Variants in PTPRD observed in about 807,000 individuals in gnomAD.
The protein encoded by PTPRD is protein tyrosine phosphatase receptor type D.
PTPRD carries 34 observed loss-of-function variants against 214.5 expected under a neutral mutation model. The ratio of observed to expected loss-of-function variants is 0.16; its 90% CI spans 0.12 to 0.21. PTPRD has a LOEUF of 0.21. Ranked by LOEUF, PTPRD falls within the 10% of genes least tolerant of loss-of-function variation. The pLI, the probability that PTPRD is intolerant of heterozygous loss-of-function variation, is 1.00. For synonymous variants in PTPRD, 1,128 were observed against 845.7 expected, an observed-to-expected ratio of 1.33 and a Z score of -5.79; for missense variants, 2,545 against 2,398.7, an observed-to-expected ratio of 1.06 and a Z score of -1.27.
At chr9:8,795,968 C>A (rs969544285) in intron 11 of PTPRD, among the ~76,000 whole-genome samples, 9 of 152,108 alleles carry the variant, frequency 5.9e-5, no homozygotes, top group Admixed American at 5.9e-4. Context: ...GAGCAAAGTT[C>A]TTTTAACTTC....
chr9:9,242,594 T>C (rs980878007), intron 9 of PTPRD, among the ~76,000 whole-genome samples: 1 of 152,200 alleles, frequency 6.6e-6, no homozygotes, highest in African/African-American at 2.4e-5. Flanking sequence ...ATTCATTTGA[T>C]CTTCCATCAC....
At chr9:8,328,448 C>T (rs993164006) in intron 44 of PTPRD, among the ~76,000 whole-genome samples, 7 of 152,150 alleles carry the variant, frequency 4.6e-5, no homozygotes, top group African/African-American at 1.4e-4. Context: ...CTGCCCTTAA[C>T]ATTTTTTCCT....
At chr9:9,192,848 C>T (rs984032081) in intron 9 of PTPRD, among the ~76,000 whole-genome samples, 4 of 152,076 alleles carry the variant, frequency 2.6e-5, no homozygotes, top group African/African-American at 7.2e-5. Flanking sequence ...GCAGAGAAGT[C>T]ACGAGATAAG....
At chr9:9,058,665 G>T (rs1350707527) in intron 10 of PTPRD, among the ~76,000 whole-genome samples, 1 of 151,026 alleles carries the variant, frequency 6.6e-6, no homozygotes, top group Non-Finnish European at 1.5e-5. Flanking sequence ...TAGCCAGGAT[G>T]GTCTCGATCT....
intron 10 of PTPRD, among the ~76,000 whole-genome samples, chr9:9,151,688 G>A (rs971200309): frequency 2.0e-5 from 3 of 152,078 alleles, no homozygotes; most frequent in East Asian, 1.9e-4. Flanking sequence ...AAAATGCTCC[G>A]GTTGTTGATG....
chr9:9,325,301 A>T (rs1433372054), intron 9 of PTPRD, among the ~76,000 whole-genome samples: 4 of 152,038 alleles, frequency 2.6e-5, no homozygotes, highest in African/African-American at 7.3e-5. Flanking sequence ...CATTTTCACG[A>T]TATTGATTCT....
chr9:8,784,486 G>A (rs1013836272), intron 11 of PTPRD, among the ~76,000 whole-genome samples: 7 of 152,188 alleles, frequency 4.6e-5, no homozygotes, highest in African/African-American at 1.7e-4. Context: ...CTGGCATAGA[G>A]AAGCCACCCA....
chr9:9,796,476 A>C (rs914682067), intron 5 of PTPRD, among the ~76,000 whole-genome samples: 2 of 152,162 alleles, frequency 1.3e-5, no homozygotes, highest in African/African-American at 4.8e-5. Context: ...ATAGTCATGT[A>C]AATTTGAAGA....
chr9:8,687,250 T>C (rs2097699314), intron 12 of PTPRD, among the ~76,000 whole-genome samples: 1 of 152,164 alleles, frequency 6.6e-6, no homozygotes, highest in African/African-American at 2.4e-5. Flanking sequence ...CTACATTTGG[T>C]TTCAAAGCGC....
intron 4 of PTPRD, among the ~76,000 whole-genome samples, chr9:9,941,187 A>C (rs1376405607): frequency 2.6e-5 from 4 of 152,200 alleles, no homozygotes; most frequent in Non-Finnish European, 5.9e-5. Context: ...TACAGGATGG[A>C]CAAGCTTGAT....
chr9:10,100,684 G>A (rs920419832), intron 3 of PTPRD, among the ~76,000 whole-genome samples: 4 of 151,678 alleles, frequency 2.6e-5, no homozygotes, highest in East Asian at 2.0e-4. Flanking sequence ...ATGTTGGAGC[G>A]TTACAGATTG....
chr9:10,486,166 T>C (rs554839306), intron 2 of PTPRD, among the ~76,000 whole-genome samples: 26 of 152,300 alleles, frequency 1.7e-4, no homozygotes, highest in Admixed American at 3.9e-4. Flanking sequence ...TCTTTTGCTG[T>C]GCAGAAGCTC....
chr9:8,492,141 G>C (rs929096802), intron 27 of PTPRD, among the ~76,000 whole-genome samples: 1 of 151,572 alleles, frequency 6.6e-6, no homozygotes, highest in African/African-American at 2.4e-5. Context: ...TTTCTTTTTT[G>C]TTTTCTATCT....
At chr9:9,581,259 C>T (rs146411088) in intron 7 of PTPRD, among the ~76,000 whole-genome samples, 1,624 of 152,160 alleles carry the variant, frequency 0.011, 17 homozygotes, top group Non-Finnish European at 0.016. Context: ...ATTTATCAGA[C>T]ATGTCAAATT....
In PTPRD at chr9:10,232,794, G is replaced by T. The variant is rs372744871; in HGVS notation, c.-545+108169C>A. ...ATTGAAAAGACAATTTAATTGCTCT[G>T]CTGAAAAAGAAACTCAACTCACACA... On this transcript the variant is annotated intron_variant, in intron 3 of 45. Coordinates refer to ENST00000381196, the MANE Select transcript of PTPRD (RefSeq NM_002839.4). 2.0e-5 allele frequency among the ~76,000 whole-genome samples: 3 copies of T among 151,954 alleles called. No homozygotes were observed. In the East Asian group the frequency reaches 5.8e-4, roughly 30 times the overall value.
At chr9:9,605,538 T>G (rs1000450319) in intron 7 of PTPRD, among the ~76,000 whole-genome samples, 2 of 152,062 alleles carry the variant, frequency 1.3e-5, no homozygotes, top group Non-Finnish European at 2.9e-5. Flanking sequence ...TTTTCTAGAC[T>G]ATATGGTTTG....
At chr9:10,344,799 G>C (rs1286158078) in intron 2 of PTPRD, among the ~76,000 whole-genome samples, 1 of 152,082 alleles carries the variant, frequency 6.6e-6, no homozygotes, top group Non-Finnish European at 1.5e-5. Flanking sequence ...TTCTGAATGG[G>C]AGTTCACGCA....
At chr9:9,245,551 T>C (rs1348413681) in intron 9 of PTPRD, among the ~76,000 whole-genome samples, 1 of 150,754 alleles carries the variant, frequency 6.6e-6, no homozygotes, top group African/African-American at 2.4e-5. Flanking sequence ...TTCTCACTCA[T>C]AGGTGGGAAT....
intron 3 of PTPRD, among the ~76,000 whole-genome samples, chr9:10,263,429 T>C (rs2093828999): frequency 6.6e-6 from 1 of 152,110 alleles, no homozygotes; most frequent in African/African-American, 2.4e-5. Flanking sequence ...CTGATAGTGA[T>C]ATCAAAAATG....
Sources: gnomAD v4.1 joint callset for allele counts (sites outside exome capture counted in the v4.1 genomes callset) on GRCh38, gnomAD v4.1.1 for gene constraint, MANE v1.5 for transcripts, NCBI Gene and HGNC (gene_info 2026-07-23, HGNC 2026-07-21) for gene names.